The following PIK3C2G variants were observed in gnomAD, a reference collection of about 807,000 sequenced individuals.
PIK3C2G encodes phosphatidylinositol 3-kinase C2 domain-containing subunit gamma.
In PIK3C2G, 168 loss-of-function variants were observed where a neutral mutation model predicts 181.1. The observed-to-expected ratio is 0.93, with a 90% CI of 0.82 to 1.05. The LOEUF (loss-of-function observed/expected upper bound fraction) is 1.05. Among genes scored for constraint, PIK3C2G ranks in the 50% least tolerant of loss-of-function variants. The pLI, the probability that PIK3C2G is intolerant of heterozygous loss-of-function variation, is 0.00. For synonymous variants in PIK3C2G, 573 were observed against 592.2 expected, an observed-to-expected ratio of 0.97 and a Z score of 0.47; for missense variants, 1,869 against 1,732.8, an observed-to-expected ratio of 1.08 and a Z score of -1.40.
At chr12:18,625,935 C>A (rs555338941) in intron 31 of PIK3C2G, among the ~76,000 whole-genome samples, 3 of 151,988 alleles carry the variant, frequency 2.0e-5, no homozygotes, top group East Asian at 3.9e-4. Context: ...GTCTTGCAGA[C>A]AGCATATAGT....
chr12:18,254,885 A>T (rs1948128545), intron 1 of PIK3C2G, among the ~76,000 whole-genome samples: 1 of 151,866 alleles, frequency 6.6e-6, no homozygotes, highest in African/African-American at 2.4e-5. Context: ...TTCTTAATTT[A>T]AAAAATTTAA....
At chr12:18,460,648 A>ATATATG (rs1184853646) in intron 18 of PIK3C2G, among the ~76,000 whole-genome samples, 1 of 148,736 alleles carries the variant, frequency 6.7e-6, no homozygotes, top group Non-Finnish European at 1.5e-5. Context: ...ATATATATAT[A>ATATATG]GCACTTAGCA....
chr12:18,598,833 C>T (rs990975922), intron 30 of PIK3C2G, among the ~76,000 whole-genome samples: 54 of 151,708 alleles, frequency 3.6e-4, no homozygotes, highest in African/African-American at 6.3e-4. Context: ...AAAAAGTGGG[C>T]GAAGGACATG....
chr12:18,382,590 A>C (rs955185689), intron 14 of PIK3C2G, among the ~76,000 whole-genome samples: 1 of 152,174 alleles, frequency 6.6e-6, no homozygotes, highest in Non-Finnish European at 1.5e-5. Context: ...AGAGTTTTTC[A>C]GCTTTACCAG....
chr12:18,513,899 A>C lies in PIK3C2G; in HGVS notation c.3323+8438A>C, dbSNP rs1172273046. Among the ~76,000 whole-genome samples, 3 of 151,630 alleles carry C rather than the reference A, an allele frequency of 2.0e-5. No homozygotes were observed. In the South Asian group the frequency reaches 6.2e-4, roughly 31 times the overall value. ...TCCTTTCATTTGCCAGCTTTGAACT[A>C]AGGTAGTTCTTCTGTCTCTAGACTT... On this transcript the variant is annotated intron_variant, in intron 24 of 32. Transcript: ENST00000538779.
At chr12:18,371,605 T>C (rs912957379) in intron 13 of PIK3C2G, among the ~76,000 whole-genome samples, 2 of 152,176 alleles carry the variant, frequency 1.3e-5, no homozygotes, top group Non-Finnish European at 2.9e-5. Context: ...TCTTTGGAAC[T>C]AGTAATTCAA....
intron 11 of PIK3C2G, among the ~76,000 whole-genome samples, chr12:18,350,386 A>G (rs545613221): frequency 6.6e-6 from 1 of 152,194 alleles, no homozygotes; most frequent in Non-Finnish European, 1.5e-5. Context: ...AAAAATGCAT[A>G]ATATGTACAG....
At chr12:18,252,722 T>C (rs1040864421) in intron 1 of PIK3C2G, among the ~76,000 whole-genome samples, 1 of 152,188 alleles carries the variant, frequency 6.6e-6, no homozygotes, top group Non-Finnish European at 1.5e-5. Context: ...ATACATTTCT[T>C]TTCTCTATGT....
chr12:18,683,679 G>A, the PIK3C2G span: 4 of 1,239,618 alleles, frequency 3.2e-6, no homozygotes, highest in Non-Finnish European at 4.3e-6. Context: ...GGAGCACAGT[G>A]TAAATCACCC....
chr12:18,496,213 C>T lies in PIK3C2G; in HGVS notation c.2886+59C>T. 6 of 1,001,818 alleles carry T rather than the reference C, an allele frequency of 6.0e-6. No homozygotes were observed. In the South Asian group the frequency reaches 6.4e-5, roughly 11 times the overall value. The allele number at this position is 1,001,818 out of a possible 1,614,324, so 62.1% of individuals were successfully genotyped here. On this transcript the variant is annotated intron_variant, in intron 21 of 32. Transcript: ENST00000538779. Reference sequence around the variant, plus strand: ...CATACACAGAACTATCGATTTATTACTCACAAAAAGAAATTGTTGTGGCTA... The same window carrying T: ...CATACACAGAACTATCGATTTATTATTCACAAAAAGAAATTGTTGTGGCTA...
chr12:18,324,435 G>C (rs749175699), intron 7 of PIK3C2G, among the ~76,000 whole-genome samples: 1 of 152,160 alleles, frequency 6.6e-6, no homozygotes, highest in East Asian at 1.9e-4. Flanking sequence ...TTCAATTTAA[G>C]TCAGGAGTTT....
the PIK3C2G span, among the ~76,000 whole-genome samples, chr12:18,667,371 G>A: frequency 5.9e-5 from 9 of 152,188 alleles, no homozygotes; most frequent in Admixed American, 5.9e-4. Context: ...AAACTGATGG[G>A]CACCTGGTGG....
intron 18 of PIK3C2G, among the ~76,000 whole-genome samples, chr12:18,428,281 C>T (rs1214607429): frequency 4.7e-5 from 7 of 148,180 alleles, no homozygotes; most frequent in Non-Finnish European, 8.9e-5. Flanking sequence ...TCCCATCTCA[C>T]GATTCATGAA....
At chr12:18,669,629 A>G in the PIK3C2G span, among the ~76,000 whole-genome samples, 1 of 151,822 alleles carries the variant, frequency 6.6e-6, no homozygotes, top group African/African-American at 2.4e-5. Context: ...GAATCCTCAC[A>G]TGGCAGAGAG....
intron 31 of PIK3C2G, among the ~76,000 whole-genome samples, chr12:18,625,129 G>A (rs780955134): frequency 4.0e-5 from 6 of 151,514 alleles, no homozygotes; most frequent in Non-Finnish European, 8.9e-5. Flanking sequence ...TTATTTGCAA[G>A]TTTTGTTCTT....
intron 29 of PIK3C2G, among the ~76,000 whole-genome samples, chr12:18,586,837 C>G (rs935671499): frequency 6.6e-6 from 1 of 152,054 alleles, no homozygotes; most frequent in Middle Eastern, 3.4e-3. Context: ...AAATCAGAAG[C>G]ACATAAAAAA....
At chr12:18,286,751 A>G in intron 2 of PIK3C2G, 96 bp from the exon 3 acceptor site, 1 of 669,560 alleles carries the variant, frequency 1.5e-6, no homozygotes. Context: ...ATTAAAAATG[A>G]AGTCTGAATG....
chr12:18,366,466 G>T (rs1592075626), intron 12 of PIK3C2G, among the ~76,000 whole-genome samples: 2 of 152,196 alleles, frequency 1.3e-5, no homozygotes, highest in East Asian at 1.9e-4. Context: ...ACTGGAGGAG[G>T]TTGCAATGAG....
chr12:18,451,056 G>T (rs961417910), intron 18 of PIK3C2G, among the ~76,000 whole-genome samples: 2 of 152,122 alleles, frequency 1.3e-5, no homozygotes, highest in Non-Finnish European at 2.9e-5. Context: ...TCTTGGTTAT[G>T]CAGGCTCCTT....
Sources: gnomAD v4.1 joint callset for allele counts (sites outside exome capture counted in the v4.1 genomes callset) on GRCh38, gnomAD v4.1.1 for gene constraint, MANE v1.5 for transcripts, NCBI Gene and HGNC (gene_info 2026-07-23, HGNC 2026-07-21) for gene names.